NRXN1: variants seen among roughly 807,000 people sequenced by gnomAD.
The protein encoded by NRXN1 is neurexin-1.
Under a neutral mutation model 150.9 loss-of-function variants are expected in NRXN1, and 39 were observed. That is an observed-to-expected ratio of 0.26 (90% confidence interval 0.20 to 0.34). NRXN1 has a LOEUF of 0.34. Among genes scored for constraint, NRXN1 ranks in the 10% least tolerant of loss-of-function variants. The pLI, the probability that NRXN1 is intolerant of heterozygous loss-of-function variation, is 1.00. For missense variants in NRXN1, 1,815 were observed against 1,949.9 expected (o/e 0.93, Z 1.30); for synonymous variants, 924 against 757.0 (o/e 1.22, Z -3.62).
chr2:50,861,267 C>T (rs964711548), intron 5 of NRXN1, among the ~76,000 whole-genome samples: 1 of 152,078 alleles, frequency 6.6e-6, no homozygotes, highest in African/African-American at 2.4e-5. Context: ...ACCTGGAGTG[C>T]AGTGAGATGA....
At chr2:50,101,744 C>T (rs554283125) in intron 18 of NRXN1, among the ~76,000 whole-genome samples, 4 of 152,096 alleles carry the variant, frequency 2.6e-5, no homozygotes, top group African/African-American at 9.6e-5. Context: ...ATGGAAAGAT[C>T]AGTTTGGAAG....
At chr2:50,810,384 G>C (rs1196247183) in intron 5 of NRXN1, among the ~76,000 whole-genome samples, 1 of 152,100 alleles carries the variant, frequency 6.6e-6, no homozygotes, top group Non-Finnish European at 1.5e-5. Flanking sequence ...ATACTTTGCA[G>C]TTCTCTGAAA....
At chr2:50,823,147 G>C (rs1669971232) in intron 5 of NRXN1, among the ~76,000 whole-genome samples, 1 of 152,138 alleles carries the variant, frequency 6.6e-6, no homozygotes, top group South Asian at 2.1e-4. Context: ...TCTGCAGGCA[G>C]GCAATACTTC....
intron 5 of NRXN1, among the ~76,000 whole-genome samples, chr2:50,633,418 A>G (rs1276400494): frequency 6.6e-6 from 1 of 152,164 alleles, no homozygotes; most frequent in African/African-American, 2.4e-5. Flanking sequence ...TGATAAGTGT[A>G]ATGAGAAATC....
intron 5 of NRXN1, chr2:50,757,914 G>T (rs1167379366): frequency 6.6e-6 from 1 of 151,762 alleles, no homozygotes; most frequent in Non-Finnish European, 1.5e-5. Context: ...GCTCTCTTGA[G>T]AACTTCCTTC....
At chr2:50,589,766 T>C (rs1673812747) in intron 8 of NRXN1, among the ~76,000 whole-genome samples, 1 of 147,846 alleles carries the variant, frequency 6.8e-6, no homozygotes, top group African/African-American at 2.5e-5. Flanking sequence ...AAAGACTGTG[T>C]CTTGCCCAAG....
chr2:50,752,317 A>T (rs1007219420), intron 5 of NRXN1, among the ~76,000 whole-genome samples: 1 of 152,118 alleles, frequency 6.6e-6, no homozygotes, highest in Non-Finnish European at 1.5e-5. Flanking sequence ...ACAGGGTATT[A>T]ACTTCTGCCA....
At chr2:50,852,718 T>C (rs543618677) in intron 5 of NRXN1, among the ~76,000 whole-genome samples, 1 of 152,274 alleles carries the variant, frequency 6.6e-6, no homozygotes, top group South Asian at 2.1e-4. Context: ...TTAAGTAGAC[T>C]CAGTTTTTAC....
chr2:50,288,611 G>A (rs923802343), intron 17 of NRXN1, among the ~76,000 whole-genome samples: 2 of 152,116 alleles, frequency 1.3e-5, no homozygotes, highest in South Asian at 2.1e-4. Flanking sequence ...GGTGAATGAG[G>A]AGCAAAATCA....
intron 5 of NRXN1, among the ~76,000 whole-genome samples, chr2:50,858,603 GCAA>G (rs1675615007): frequency 6.6e-6 from 1 of 151,942 alleles, no homozygotes; most frequent in Non-Finnish European, 1.5e-5. Flanking sequence ...CTTTGCTCAA[GCAA>G]TGAAGCTATG....
chr2:50,188,685 A>AAAC (rs1364176905), intron 18 of NRXN1, among the ~76,000 whole-genome samples: 1 of 151,096 alleles, frequency 6.6e-6, no homozygotes, highest in East Asian at 1.9e-4. Flanking sequence ...AAGAAAAAAA[A>AAAC]AACATCAAAA....
chr2:50,602,755 G>T (rs1676483778), intron 8 of NRXN1, among the ~76,000 whole-genome samples: 1 of 152,182 alleles, frequency 6.6e-6, no homozygotes, highest in Admixed American at 6.5e-5. Context: ...ACCCAGAAAA[G>T]AAAGCATGTT....
chr2:50,748,948 G>A (rs1461570039), intron 5 of NRXN1, among the ~76,000 whole-genome samples: 1 of 152,066 alleles, frequency 6.6e-6, no homozygotes, highest in Non-Finnish European at 1.5e-5. Flanking sequence ...AAAGATTCAT[G>A]ATAGCTCTAT....
At chr2:51,018,190 T>A (rs1448993786) in intron 2 of NRXN1, among the ~76,000 whole-genome samples, 1 of 152,120 alleles carries the variant, frequency 6.6e-6, no homozygotes, top group African/African-American at 2.4e-5. Context: ...TGTCTATAAT[T>A]AAATGAAGAA....
rs2086287364 is a variant in NRXN1 at position 50,445,131 on chromosome 2, A to T, written c.3364+20311T>A. Among the ~76,000 whole-genome samples the T allele has an allele frequency of 2.0e-5, 3 of 152,234 alleles. No individual in the cohort carries two copies. The South Asian group carries it at 6.2e-4, about 32-fold the overall frequency. ...AAGTTCTTTTCCTTTTAGTTTCCAT[A>T]AAAGGGTTTATTCATGTGCTGTCCT... On this transcript the variant is annotated intron_variant, in intron 17 of 22. Transcript: ENST00000401669.
intron 5 of NRXN1, among the ~76,000 whole-genome samples, chr2:50,675,372 T>C (rs558696994): frequency 1.1e-4 from 17 of 152,276 alleles, no homozygotes; most frequent in African/African-American, 2.2e-4. Flanking sequence ...TAGTCAATAA[T>C]AGAAACATAG....
chr2:50,687,446 T>A (rs1691404853), intron 5 of NRXN1, among the ~76,000 whole-genome samples: 1 of 152,160 alleles, frequency 6.6e-6, no homozygotes, highest in Non-Finnish European at 1.5e-5. Flanking sequence ...TTTCTATGCA[T>A]GCTTTATCAT....
At chr2:50,478,988 T>C (rs1302570927) in intron 15 of NRXN1, among the ~76,000 whole-genome samples, 1 of 152,202 alleles carries the variant, frequency 6.6e-6, no homozygotes, top group Non-Finnish European at 1.5e-5. Context: ...CTGGTGTCAC[T>C]GTCTCCATTC....
intron 8 of NRXN1, chr2:50,554,349 G>A (rs1262021080): frequency 3.3e-5 from 5 of 152,126 alleles, no homozygotes; most frequent in African/African-American, 1.2e-4. Context: ...TGGCTGATGA[G>A]TTTCCTGATA....
Sources: allele counts gnomAD v4.1 joint callset (sites outside exome capture counted in the v4.1 genomes callset), GRCh38; gene constraint gnomAD v4.1.1; transcripts MANE v1.5; gene names NCBI Gene and HGNC (gene_info 2026-07-23, HGNC 2026-07-21).